The following FOXJ1 variants were observed in gnomAD, a reference collection of about 807,000 sequenced individuals.
FOXJ1 encodes the protein forkhead box J1, also known as forkhead box protein J1.
FOXJ1 carries 8 observed loss-of-function variants against 29.3 expected under a neutral mutation model. The observed-to-expected ratio is 0.27, with a 90% CI of 0.16 to 0.49. The LOEUF is 0.49. FOXJ1 is among the 20% of genes least tolerant of loss of function. FOXJ1 has a pLI of 0.98. For missense variants in FOXJ1, 539 were observed against 595.5 expected (o/e 0.91, Z 0.99); for synonymous variants, 280 against 278.7 (o/e 1.00, Z -0.05).
In FOXJ1 at chr17:76,137,565, G is replaced by T; in HGVS notation, c.1054C>A (p.His352Asn). Residue 352 changes from histidine to asparagine, a missense_variant, in exon 3 of 3, where the codon CAC becomes AAC. Physicochemically the swap from His to Asn is moderately conservative, Grantham distance 68. This residue lies in a region of FOXJ1 where 302 missense variants were observed against 293.6 expected (regional missense o/e 1.03). Coordinates refer to ENST00000322957, the MANE Select transcript of FOXJ1 (RefSeq NM_001454.4). The surrounding 1 kb of genome is among the most constrained non-coding windows in gnomAD (Gnocchi z 9.5). The part of the protein sequence containing the change: ...VDVDLTIHGR[H>N]IDCPATWGPS... ...CCCCAGGTGGCAGGGCAGTCGATGT[G>T]GCGGCCGTGGATGGTGAGGTCCACG... The T allele has an allele frequency of 6.3e-7, 1 of 1,597,610 alleles. No individual in the cohort carries two copies.
chr17:76,140,696 G>A lies in FOXJ1; in HGVS notation c.-169-132C>T. The A allele has an allele frequency of 2.7e-6, 1 of 367,598 alleles. No homozygotes were observed. The highest frequency in any genetic ancestry group is 4.9e-6 in the Non-Finnish European group (1 of 205,720). 22.8% of individuals were successfully genotyped at this position (367,598 alleles called of 1,614,324 possible). On this transcript the variant is annotated intron_variant, in intron 1 of 2. Coordinates refer to ENST00000322957, the MANE Select transcript of FOXJ1 (RefSeq NM_001454.4). This position sits in a 1 kb window ranked among gnomAD's most constrained non-coding sequence, Gnocchi z 8.0. ...TAGTGCCGAGGTATGGGAAACAGAA[G>A]CAAGGCCCTGGGGTCCCACCCCCAT...
Position 76,140,248 on chromosome 17 carries a change from G to C in FOXJ1, c.148C>G (p.Pro50Ala). Residue 50 changes from proline to alanine, a missense_variant, in exon 2 of 3, where the codon CCC becomes GCC. By Grantham distance (27) the Pro-to-Ala change is conservative (BLOSUM62 -1). Around this residue, in one of 3 missense-constraint regions of FOXJ1, gnomAD observed 178 missense variants for 254.4 expected, o/e 0.70. Transcript: ENST00000322957. The surrounding 1 kb of genome is among the most constrained non-coding windows in gnomAD (Gnocchi z 8.0). Reference protein sequence around the residue: ...QEFSILNAKAPALPPGGTDPH... With the variant: ...QEFSILNAKAAALPPGGTDPH... Reference sequence around the variant, plus strand: ...TCGGTGCCCCCCGGGGGCAGGGCGGGGGCCTTGGCGTTGAGAATGGAGAAT... The same window carrying C: ...TCGGTGCCCCCCGGGGGCAGGGCGGCGGCCTTGGCGTTGAGAATGGAGAAT... 6.8e-7 allele frequency: 1 copy of C among 1,467,020 alleles called. No individual in the cohort carries two copies. The highest frequency in any genetic ancestry group is 3.0e-5 in the Admixed American group (1 of 33,132). 90.9% of individuals were successfully genotyped at this position (1,467,020 alleles called of 1,614,324 possible). A position where few individuals can be genotyped will look rare whatever the true frequency, so the allele number is the denominator to read the frequency against.
At position 76,139,777 on chromosome 17, in the gene FOXJ1, C is replaced by T. The variant is rs1303383217; in HGVS notation, c.498+121G>A. 1.8e-6 allele frequency: 2 copies of T among 1,092,816 alleles called. No individual in the cohort carries two copies. The highest frequency in any genetic ancestry group is 5.2e-5 in the East Asian group (2 of 38,608). The allele number at this position is 1,092,816 out of a possible 1,614,324, so 67.7% of individuals were successfully genotyped here. A position where few individuals can be genotyped will look rare whatever the true frequency, so the allele number is the denominator to read the frequency against. On this transcript the variant is annotated intron_variant, in intron 2 of 2. Transcript: ENST00000322957. The surrounding 1 kb of genome is among the most constrained non-coding windows in gnomAD (Gnocchi z 6.6). Reference sequence around the variant, plus strand: ...CTGGGCTCCTTTGCAGGGCTCCCTTCTGGGGCGCTGGCCGCACCGCAGAGC... The same window carrying T: ...CTGGGCTCCTTTGCAGGGCTCCCTTTTGGGGCGCTGGCCGCACCGCAGAGC...
chr17:76,137,230 G>A lies in FOXJ1; in HGVS notation c.*123C>T. 1.1e-6 allele frequency: 1 copy of A among 892,824 alleles called. No individual in the cohort carries two copies. Among genetic ancestry groups the A allele is most frequent in the South Asian group, 2.7e-5 (1 of 37,048 alleles). 55.3% of individuals were successfully genotyped at this position (892,824 alleles called of 1,614,324 possible). ...GGGCTGGTGGCCATGTGGCCTCTGG[G>A]GCAAGCCTTGGAGCCCTGGCCCAGC... On this transcript the variant is annotated 3_prime_UTR_variant, in exon 3 of 3. Coordinates refer to ENST00000322957, the MANE Select transcript of FOXJ1 (RefSeq NM_001454.4). This position sits in a 1 kb window ranked among gnomAD's most constrained non-coding sequence, Gnocchi z 9.5.
At chr17:76,138,522 T>G (rs2068494554) in intron 2 of FOXJ1, among the ~76,000 whole-genome samples, 1 of 151,682 alleles carries the variant, frequency 6.6e-6, no homozygotes. Context: ...GCCCTCTCTG[T>G]GAGTGAGTGG....
Position 76,137,539 on chromosome 17 carries a change from C to T in FOXJ1, c.1080G>A (p.Gly360=), listed in dbSNP as rs754251901. The T allele has an allele frequency of 6.3e-7, 1 of 1,595,780 alleles. No individual in the cohort carries two copies. Among genetic ancestry groups the T allele is most frequent in the African/African-American group, 1.3e-5 (1 of 74,724 alleles). Residue 360 remains glycine, a synonymous_variant, in exon 3 of 3, where the codon GGG becomes GGA. Transcript: ENST00000322957. The surrounding 1 kb of genome is among the most constrained non-coding windows in gnomAD (Gnocchi z 9.5). ...TGTCGGCAGCCTGCTCCACCGAAGG[C>T]CCCCAGGTGGCAGGGCAGTCGATGT... is the stretch of plus-strand genomic sequence containing the variant. ...GRHIDCPATW[G]PSVEQAADSL... is the part of the protein sequence containing the mutation.
At chr17:76,138,547 C>T (rs1868824) in intron 2 of FOXJ1, among the ~76,000 whole-genome samples, 4 of 151,498 alleles carry the variant, frequency 2.6e-5, no homozygotes, top group Non-Finnish European at 5.9e-5. Flanking sequence ...AGGGAGGGGG[C>T]TGGGCAGCCG....
At chr17:76,138,745 G>A (rs1328072206) in intron 2 of FOXJ1, among the ~76,000 whole-genome samples, 1 of 152,168 alleles carries the variant, frequency 6.6e-6, no homozygotes. Flanking sequence ...CTCATTCCTG[G>A]GGCCCGTTTC....
Position 76,140,429 on chromosome 17 carries a change from T to C in FOXJ1, c.-34A>G. On this transcript the variant is annotated 5_prime_UTR_variant, in exon 2 of 3. The change abolishes an upstream ATG in the 5' untranslated region. Coordinates refer to ENST00000322957, the MANE Select transcript of FOXJ1 (RefSeq NM_001454.4). The surrounding 1 kb of genome is among the most constrained non-coding windows in gnomAD (Gnocchi z 8.0). ...GGACTCTCCGAGGGGGCGGTCAGCA[T>C]CCACGGGCTGAGCCGGGGGTGGCCC... 1 of 1,394,224 alleles carries C rather than the reference T, an allele frequency of 7.2e-7. No individual in the cohort carries two copies. The highest frequency in any genetic ancestry group is 9.2e-7 in the Non-Finnish European group (1 of 1,083,916). The allele number at this position is 1,394,224 out of a possible 1,614,324, so 86.4% of individuals were successfully genotyped here.
rs553063979 is a variant in FOXJ1, at chr17:76,140,055, T to A, written c.341A>T (p.Tyr114Phe). 3 of 1,609,802 alleles carry A rather than the reference T, an allele frequency of 1.9e-6. 1 individual carries two copies. The South Asian group carries it at 3.3e-5, about 18-fold the overall frequency. ...LQAPPPDDVD[Y>F]ATNPHVKPPY... ...AGGCTTCACGTGCGGATTGGTGGCG[T>A]AGTCCACGTCGTCGGGGGGTGGGGC... Residue 114 changes from tyrosine to phenylalanine, a missense_variant, in exon 2 of 3, where the codon TAC (tyrosine) becomes TTC (phenylalanine). Around this residue, in one of 3 missense-constraint regions of FOXJ1, gnomAD observed 178 missense variants for 254.4 expected, o/e 0.70. Coordinates refer to ENST00000322957, the MANE Select transcript of FOXJ1 (RefSeq NM_001454.4). This position sits in a 1 kb window ranked among gnomAD's most constrained non-coding sequence, Gnocchi z 8.0.
rs1275832391 is a variant in FOXJ1 at position 76,137,709 on chromosome 17, G to T, written c.910C>A (p.Pro304Thr). Residue 304 changes from proline (P) to threonine (T), a missense_variant, in exon 3 of 3, where the codon CCC becomes ACC. By Grantham distance (38) the Pro-to-Thr change is conservative (BLOSUM62 -1). Coordinates refer to ENST00000322957, the MANE Select transcript of FOXJ1 (RefSeq NM_001454.4). This position sits in a 1 kb window ranked among gnomAD's most constrained non-coding sequence, Gnocchi z 9.5. ...PTPEEQGELE[P>T]LKGNFDWEAI... ...TCCCAGTCAAAGTTGCCTTTGAGGG[G>T]TTCCAGCTCACCCTGCTCCTCCGGG... 3 of 1,612,408 alleles carry T rather than the reference G, an allele frequency of 1.9e-6. No homozygotes were observed. The highest frequency in any genetic ancestry group is 4.5e-5 in the East Asian group (2 of 44,860).
chr17:76,138,129 A>G lies in FOXJ1; in HGVS notation c.499-9T>C, dbSNP rs780659527. On this transcript the variant is annotated splice_polypyrimidine_tract_variant and intron_variant, in intron 2 of 2. Transcript: ENST00000322957. ...TTGTGGCGGATTGAATTCTGGGTGC[A>G]GGGAGAGAGCAAGAGAGAGAGGAAC... The G allele has an allele frequency of 2.5e-6, 4 of 1,613,238 alleles. No individual in the cohort carries two copies. The Admixed American group carries it at 5.0e-5, about 20-fold the overall frequency.
At chr17:76,138,269 G>A (rs1205659452) in intron 2 of FOXJ1, 149 bp from the exon 3 acceptor site, 20 of 841,632 alleles carry the variant, frequency 2.4e-5, no homozygotes, top group East Asian at 7.9e-5. Context: ...CTGCCCAGGC[G>A]GCTGCAGCTC....
At position 76,139,703 on chromosome 17, in the gene FOXJ1, T is replaced by TTC. The variant is rs3217611; in HGVS notation, c.498+193_498+194dup. Among the ~76,000 whole-genome samples, 89 of 150,158 alleles carry TTC rather than the reference T, an allele frequency of 5.9e-4. No individual in the cohort carries two copies. Among genetic ancestry groups the TTC allele is most frequent in the African/African-American group, 1.5e-3 (61 of 41,186 alleles). ...GCCCTCCACCTCTGGACATTCTCCC[T>TTC]TCTCTCTCTCTCTCTCTCTGGAAGT... On this transcript the variant is annotated intron_variant, in intron 2 of 2. Transcript: ENST00000322957. This position sits in a 1 kb window ranked among gnomAD's most constrained non-coding sequence, Gnocchi z 6.6.
At position 76,137,415 on chromosome 17, in the gene FOXJ1, C is replaced by T. The variant is rs1362381717; in HGVS notation, c.1204G>A (p.Ala402Thr). The change falls in exon 3 of 3, where the codon GCT becomes ACT. Residue 402 changes from alanine to threonine, a missense_variant. Physicochemically the swap from Ala to Thr is moderately conservative, Grantham distance 58 (BLOSUM62 0). Around this residue, in one of 3 missense-constraint regions of FOXJ1, gnomAD observed 302 missense variants for 293.6 expected, o/e 1.03. Coordinates refer to ENST00000322957, the MANE Select transcript of FOXJ1 (RefSeq NM_001454.4). The surrounding 1 kb of genome is among the most constrained non-coding windows in gnomAD (Gnocchi z 9.5). Reference sequence around the variant, plus strand: ...TCGGAGGCCAGGGTGGCATCCCCAGCCTCAAAGAGGGGCTCCGGGGGCAGG... The same window carrying T: ...TCGGAGGCCAGGGTGGCATCCCCAGTCTCAAAGAGGGGCTCCGGGGGCAGG... ...GCLPPEPLFE[A>T]GDATLASDLQ... The T allele has an allele frequency of 1.3e-6, 2 of 1,537,754 alleles. No individual in the cohort carries two copies. Among genetic ancestry groups the T allele is most frequent in the African/African-American group, 2.7e-5 (2 of 73,034 alleles).
Position 76,140,251 on chromosome 17 carries a change from C to A in FOXJ1, c.145G>T (p.Ala49Ser). ...LQEFSILNAK[A>S]PALPPGGTDP... ...GTGCCCCCCGGGGGCAGGGCGGGGG[C>A]CTTGGCGTTGAGAATGGAGAATTCC... The change falls in exon 2 of 3, where the codon GCC (alanine) becomes TCC (serine). Residue 49 changes from alanine to serine, a missense_variant. This residue lies in a region of FOXJ1 where 178 missense variants were observed against 254.4 expected (regional missense o/e 0.70). Transcript: ENST00000322957. This position sits in a 1 kb window ranked among gnomAD's most constrained non-coding sequence, Gnocchi z 8.0. 6.8e-7 allele frequency: 1 copy of A among 1,468,230 alleles called. No individual in the cohort carries two copies. Among genetic ancestry groups the A allele is most frequent in the Non-Finnish European group, 8.9e-7 (1 of 1,120,856 alleles). The allele number at this position is 1,468,230 out of a possible 1,614,324, so 91.0% of individuals were successfully genotyped here. A position where few individuals can be genotyped will look rare whatever the true frequency, so the allele number is the denominator to read the frequency against.
rs767735419 is a variant in FOXJ1 at position 76,137,909 on chromosome 17, C to T, written c.710G>A (p.Arg237Gln). 14 of 1,564,376 alleles carry T rather than the reference C, an allele frequency of 8.9e-6. No homozygotes were observed. Among genetic ancestry groups the T allele is most frequent in the East Asian group, 2.3e-5 (1 of 43,100 alleles). Residue 237 changes from arginine to glutamine, a missense_variant, in exon 3 of 3, where the codon CGG (arginine) becomes CAG (glutamine). Physicochemically the swap from Arg to Gln is conservative, Grantham distance 43 (BLOSUM62 1). Around this residue, in one of 3 missense-constraint regions of FOXJ1, gnomAD observed 302 missense variants for 293.6 expected, o/e 1.03. Transcript: ENST00000322957. This position sits in a 1 kb window ranked among gnomAD's most constrained non-coding sequence, Gnocchi z 9.5. ...GGTATTCACCGTCAGCGGCCCGGCC[C>T]GGGGGACAGCGCTGGGCTCCTGCGC... Reference protein sequence around the residue: ...QAAQEPSAVPRAGPLTVNTEA... With the variant: ...QAAQEPSAVPQAGPLTVNTEA...
In FOXJ1 at chr17:76,140,687, G is replaced by T; in HGVS notation, c.-169-123C>A. On this transcript the variant is annotated intron_variant, in intron 1 of 2. Transcript: ENST00000322957. This position sits in a 1 kb window ranked among gnomAD's most constrained non-coding sequence, Gnocchi z 8.0. ...AGGATCTTTTAGTGCCGAGGTATGG[G>T]AAACAGAAGCAAGGCCCTGGGGTCC... 2.6e-6 allele frequency: 1 copy of T among 386,780 alleles called. No individual in the cohort carries two copies. The highest frequency in any genetic ancestry group is 4.6e-6 in the Non-Finnish European group (1 of 217,920). 24.0% of individuals were successfully genotyped at this position (386,780 alleles called of 1,614,324 possible). A position where few individuals can be genotyped will look rare whatever the true frequency, so the allele number is the denominator to read the frequency against.
In FOXJ1 at chr17:76,137,569, G is replaced by C. The variant is rs769704897; in HGVS notation, c.1050C>G (p.Gly350=). Residue 350 remains glycine, a synonymous_variant, in exon 3 of 3, where the codon GGC becomes GGG. Transcript: ENST00000322957. This position sits in a 1 kb window ranked among gnomAD's most constrained non-coding sequence, Gnocchi z 9.5. ...SHVDVDLTIH[G]RHIDCPATWG... Reference sequence around the variant, plus strand: ...AGGTGGCAGGGCAGTCGATGTGGCGGCCGTGGATGGTGAGGTCCACGTCCA... The same window carrying C: ...AGGTGGCAGGGCAGTCGATGTGGCGCCCGTGGATGGTGAGGTCCACGTCCA... 6.3e-7 allele frequency: 1 copy of C among 1,597,020 alleles called. No individual in the cohort carries two copies. Among genetic ancestry groups the C allele is most frequent in the South Asian group, 1.1e-5 (1 of 89,066 alleles).
Sources: allele counts gnomAD v4.1 joint callset (sites outside exome capture counted in the v4.1 genomes callset), GRCh38; gene constraint gnomAD v4.1.1; regional missense constraint gnomAD v4.1.1; non-coding constraint Gnocchi (gnomAD v3.1); transcripts MANE v1.5; gene names NCBI Gene and HGNC (gene_info 2026-07-23, HGNC 2026-07-21).